The following NAALADL2 variants were observed in gnomAD, a reference collection of about 807,000 sequenced individuals.
The protein encoded by NAALADL2 is inactive N-acetylated-alpha-linked acidic dipeptidase-like protein 2.
A neutral mutation model predicts 87.2 loss-of-function variants in NAALADL2; 76 were observed. That is an observed-to-expected ratio of 0.87 (90% CI 0.72 to 1.05). The LOEUF (loss-of-function observed/expected upper bound fraction) is 1.05. Ranked by LOEUF, NAALADL2 falls within the 50% of genes least tolerant of loss-of-function variation. The pLI is 0.00. For synonymous variants in NAALADL2, 354 were observed against 331.0 expected (o/e 1.07, Z -0.75); for missense variants, 1,089 against 945.8 (o/e 1.15, Z -1.99).
intron 3 of NAALADL2, among the ~76,000 whole-genome samples, chr3:175,242,100 T>A: frequency 6.6e-6 from 1 of 151,916 alleles, no homozygotes; most frequent in Non-Finnish European, 1.5e-5. Context: ...GACCTCGTGA[T>A]CCGCCCACCT....
intron 3 of NAALADL2, among the ~76,000 whole-genome samples, chr3:174,773,080 C>T (rs1714781491): frequency 6.6e-6 from 1 of 151,882 alleles, no homozygotes; most frequent in African/African-American, 2.4e-5. Flanking sequence ...TGTGTGCTGA[C>T]CTAAAGTGAC....
intron 4 of NAALADL2, among the ~76,000 whole-genome samples, chr3:175,266,572 T>C (rs1751962590): frequency 6.6e-6 from 1 of 151,776 alleles, no homozygotes; most frequent in South Asian, 2.1e-4. Context: ...TTCCCTACCA[T>C]TCAGTGAAGA....
At chr3:175,642,512 T>C (rs1380910223) in intron 11 of NAALADL2, among the ~76,000 whole-genome samples, 1 of 151,754 alleles carries the variant, frequency 6.6e-6, no homozygotes, top group East Asian at 1.9e-4. Flanking sequence ...TTTTTTTTTT[T>C]TTTCTTGAGA....
intron 1 of NAALADL2, among the ~76,000 whole-genome samples, chr3:175,067,936 A>G (rs1257452100): frequency 2.6e-5 from 4 of 152,098 alleles, no homozygotes; most frequent in Admixed American, 2.0e-4. Flanking sequence ...AAGTCTTTGA[A>G]ACAACATGAA....
chr3:175,730,260 GGTAA>G (rs1486061184), intron 11 of NAALADL2, among the ~76,000 whole-genome samples: 2 of 150,842 alleles, frequency 1.3e-5, no homozygotes, highest in African/African-American at 4.9e-5. Flanking sequence ...ACATTGGTCT[GGTAA>G]GTAAGAGGAA....
intron 2 of NAALADL2, among the ~76,000 whole-genome samples, chr3:174,599,246 T>C (rs1045634221): frequency 1.3e-5 from 2 of 152,146 alleles, no homozygotes; most frequent in African/African-American, 4.8e-5. Context: ...GTAGATCTCA[T>C]AGGTTTAGTA....
At chr3:174,720,254 G>C (rs1005467705) in intron 2 of NAALADL2, among the ~76,000 whole-genome samples, 1 of 151,934 alleles carries the variant, frequency 6.6e-6, no homozygotes, top group Non-Finnish European at 1.5e-5. Context: ...TTTTTTAAAG[G>C]CATAGTATTG....
At chr3:174,610,775 G>C (rs1245155836) in intron 2 of NAALADL2, among the ~76,000 whole-genome samples, 2 of 152,126 alleles carry the variant, frequency 1.3e-5, no homozygotes, top group African/African-American at 4.8e-5. Context: ...CAGGGATGTA[G>C]AACTAGAAAT....
At chr3:174,744,656 G>T (rs974678356) in intron 3 of NAALADL2, among the ~76,000 whole-genome samples, 1 of 152,132 alleles carries the variant, frequency 6.6e-6, no homozygotes, top group African/African-American at 2.4e-5. Context: ...ATTCTTCTCA[G>T]TGCCACATGG....
chr3:175,117,060 C>T (rs9849531), intron 2 of NAALADL2, among the ~76,000 whole-genome samples: 12,197 of 151,774 alleles, frequency 0.08, 1,038 homozygotes, highest in African/African-American at 0.22. Flanking sequence ...GCTAGCCATA[C>T]GTAGAAAGCT....
At chr3:175,613,114 A>G (rs1455533555) in intron 10 of NAALADL2, among the ~76,000 whole-genome samples, 1 of 152,162 alleles carries the variant, frequency 6.6e-6, no homozygotes, top group Admixed American at 6.5e-5. Flanking sequence ...ACTGGGTGTT[A>G]AATAGTTATA....
chr3:175,123,509 C>A (rs925181870), intron 2 of NAALADL2, among the ~76,000 whole-genome samples: 3 of 151,890 alleles, frequency 2.0e-5, no homozygotes, highest in Non-Finnish European at 4.4e-5. Context: ...AGAAAACTAT[C>A]CAAATTCTTA....
intron 11 of NAALADL2, among the ~76,000 whole-genome samples, chr3:175,647,688 A>G (rs1374748282): frequency 6.6e-6 from 1 of 152,160 alleles, no homozygotes; most frequent in Non-Finnish European, 1.5e-5. Context: ...GAGAAGCACA[A>G]TGATTTCAGG....
intron 11 of NAALADL2, among the ~76,000 whole-genome samples, chr3:175,674,299 G>A (rs990657209): frequency 2.3e-4 from 34 of 147,610 alleles, no homozygotes; most frequent in African/African-American, 7.4e-4. Context: ...TATCTCTGTC[G>A]CCCAGGCTGG....
chr3:174,752,059 G>C (rs1189155836), intron 3 of NAALADL2, among the ~76,000 whole-genome samples: 1 of 151,816 alleles, frequency 6.6e-6, no homozygotes, highest in African/African-American at 2.4e-5. Flanking sequence ...CTCACTGCAA[G>C]CTCTGCCTCC....
chr3:175,270,821 C>T lies in NAALADL2; in HGVS notation c.939+14291C>T, dbSNP rs143863557. Among the ~76,000 whole-genome samples, 13 of 152,160 alleles carry T rather than the reference C, an allele frequency of 8.5e-5. No homozygotes were observed. In the East Asian group the frequency reaches 2.5e-3, roughly 29 times the overall value. On this transcript the variant is annotated intron_variant, in intron 4 of 13. Coordinates refer to ENST00000454872, the MANE Select transcript of NAALADL2 (RefSeq NM_207015.3). Reference sequence around the variant, plus strand: ...CTGCTGGGCCTCTGTAAACCTCTTCCAGTATAGTACTGATTTTACTGTGCT... The same window carrying T: ...CTGCTGGGCCTCTGTAAACCTCTTCTAGTATAGTACTGATTTTACTGTGCT...
intron 5 of NAALADL2, among the ~76,000 whole-genome samples, chr3:175,410,704 T>C (rs1188704350): frequency 6.6e-6 from 1 of 152,198 alleles, no homozygotes; most frequent in Non-Finnish European, 1.5e-5. Context: ...TAGACTTTTA[T>C]GGGAAGTCAA....
intron 3 of NAALADL2, among the ~76,000 whole-genome samples, chr3:174,754,118 G>T (rs1365414225): frequency 6.6e-6 from 1 of 152,190 alleles, no homozygotes; most frequent in African/African-American, 2.4e-5. Flanking sequence ...TCAATTTCAT[G>T]TATGGAAGCC....
intron 2 of NAALADL2, among the ~76,000 whole-genome samples, chr3:175,175,882 ATC>A (rs1735627167): frequency 6.6e-6 from 1 of 152,112 alleles, no homozygotes; most frequent in Non-Finnish European, 1.5e-5. Context: ...ATCATACAAT[ATC>A]TGCTTTATTT....
Sources: allele counts gnomAD v4.1 joint callset (sites outside exome capture counted in the v4.1 genomes callset), GRCh38; gene constraint gnomAD v4.1.1; transcripts MANE v1.5; gene names NCBI Gene and HGNC (gene_info 2026-07-23, HGNC 2026-07-21).